ZBTB4: variants seen among roughly 807,000 people sequenced by gnomAD.
ZBTB4 encodes the protein zinc finger and BTB domain-containing protein 4.
Under a neutral mutation model 59.8 loss-of-function variants are expected in ZBTB4, and 14 were observed. The ratio of observed to expected loss-of-function variants is 0.23; its 90% CI spans 0.15 to 0.37. ZBTB4 has a LOEUF of 0.37. ZBTB4 is among the 10% of genes least tolerant of loss of function. The probability of loss-of-function intolerance (pLI) is 1.00; values close to 1 mark genes in which losing one functional copy is unlikely to be tolerated. For synonymous variants in ZBTB4, 587 were observed against 575.2 expected (o/e 1.02, Z -0.29); for missense variants, 1,198 against 1,380.8 (o/e 0.87, Z 2.10).
intron 1 of ZBTB4, among the ~76,000 whole-genome samples, chr17:7,478,272 A>C (rs2070296890): frequency 6.6e-6 from 1 of 152,064 alleles, no homozygotes; most frequent in African/African-American, 2.4e-5. Flanking sequence ...GCTGCCCATG[A>C]TCCCATAAAC....
intron 3 of ZBTB4, among the ~76,000 whole-genome samples, chr17:7,464,854 G>A (rs1403287476): frequency 1.3e-4 from 18 of 137,626 alleles, no homozygotes; most frequent in East Asian, 2.2e-4. Context: ...AAAAAATGCC[G>A]TCTTAAAAAA....
In ZBTB4 at chr17:7,465,839, C is replaced by G; in HGVS notation, c.963G>C (p.Leu321=). 1 of 1,614,220 alleles carries G rather than the reference C, an allele frequency of 6.2e-7. No individual in the cohort carries two copies. The highest frequency in any genetic ancestry group is 8.5e-7 in the Non-Finnish European group (1 of 1,180,046). ...CAACERSYVT[L]SSLKRHSNVH... is the part of the protein sequence containing the mutation. ...CATTGCTGTGTCTCTTCAGACTGGA[C>G]AGGGTCACGTAGGAACGCTCGCAGG... The change falls in exon 3 of 4, where the codon CTG becomes CTC. Residue 321 remains leucine (L), a synonymous_variant. Transcript: ENST00000380599.
upstream of ZBTB4, chr17:7,481,639 G>A: frequency 1.4e-6 from 1 of 718,162 alleles, no homozygotes; most frequent in Non-Finnish European, 2.2e-6. Context: ...TCATAATGGT[G>A]TACCCAGATG....
In ZBTB4 at chr17:7,463,103, C is replaced by T. The variant is rs916663107; in HGVS notation, c.1879G>A (p.Glu627Lys). The T allele has an allele frequency of 6.2e-7, 1 of 1,610,086 alleles. No homozygotes were observed. The highest frequency in any genetic ancestry group is 8.5e-7 in the Non-Finnish European group (1 of 1,179,164). Residue 627 changes from glutamate (E) to lysine (K), a missense_variant, in exon 4 of 4, where the codon GAG becomes AAG. Physicochemically the swap from Glu to Lys is moderately conservative, Grantham distance 56. Coordinates refer to ENST00000380599, the MANE Select transcript of ZBTB4 (RefSeq NM_001128833.2). ...TCCTCCATCTCCTCTCCGCTCAGCT[C>T]CCCAGGACGCAGGTCAGTCTCTGAG... ...RISETDLRPGELSGEEMEESE... is the reference protein window; with the variant it reads ...RISETDLRPGKLSGEEMEESE...
In ZBTB4 at chr17:7,466,333, C is replaced by A; in HGVS notation, c.469G>T (p.Gly157Trp). Residue 157 changes from glycine to tryptophan, a missense_variant, in exon 3 of 4, where the codon GGG becomes TGG. Coordinates refer to ENST00000380599, the MANE Select transcript of ZBTB4 (RefSeq NM_001128833.2). The surrounding 1 kb of genome is among the most constrained non-coding windows in gnomAD (Gnocchi z 9.1). ...RLALPGGGGD[G>W]AAVAEIGALG... Reference sequence around the variant, plus strand: ...GCTCCAATCTCTGCTACAGCTGCCCCGTCCCCTCCACCACCAGGCAGTGCG... The same window carrying A: ...GCTCCAATCTCTGCTACAGCTGCCCAGTCCCCTCCACCACCAGGCAGTGCG... 6.2e-7 allele frequency: 1 copy of A among 1,614,046 alleles called. No homozygotes were observed. The highest frequency in any genetic ancestry group is 8.5e-7 in the Non-Finnish European group (1 of 1,180,010).
At position 7,462,998 on chromosome 17, in the gene ZBTB4, G is replaced by C. The variant is rs757840009; in HGVS notation, c.1984C>G (p.Gln662Glu). Residue 662 changes from glutamine to glutamate, a missense_variant, in exon 4 of 4, where the codon CAG becomes GAG. Gln to Glu is a conservative substitution (Grantham distance 29). Transcript: ENST00000380599. The surrounding 1 kb of genome is among the most constrained non-coding windows in gnomAD (Gnocchi z 7.5). ...TAGGAGTAGTAGGGCCTCCAGAGCT[G>C]GTCCTCCCCACCAGCCTTTGATTCC... ...EEESKAGGED[Q>E]LWRPYYSYKP... The C allele has an allele frequency of 3.1e-6, 5 of 1,610,308 alleles. No individual in the cohort carries two copies. In the South Asian group the frequency reaches 3.3e-5, roughly 11 times the overall value.
chr17:7,476,798 C>T (rs1446372671), intron 1 of ZBTB4, among the ~76,000 whole-genome samples: 1 of 152,164 alleles, frequency 6.6e-6, no homozygotes, highest in Admixed American at 6.5e-5. Context: ...GCATCCGGGT[C>T]TTCTGAAATG....
intron 3 of ZBTB4, among the ~76,000 whole-genome samples, chr17:7,464,230 T>A (rs2070078802): frequency 6.6e-6 from 1 of 152,158 alleles, no homozygotes; most frequent in African/African-American, 2.4e-5. Context: ...CTCCCGGACA[T>A]GCCTGTGCTG....
At chr17:7,469,815 G>A (rs1240827078) in intron 1 of ZBTB4, among the ~76,000 whole-genome samples, 1 of 151,932 alleles carries the variant, frequency 6.6e-6, no homozygotes, top group Admixed American at 6.6e-5. Context: ...CGGGCACGGT[G>A]GCTCACACCT....
chr17:7,482,716 C>T (rs772575316), upstream of ZBTB4: 21 of 1,611,912 alleles, frequency 1.3e-5, no homozygotes, highest in African/African-American at 1.2e-4. Flanking sequence ...TGCAGCCCCC[C>T]GTGTTGCCCA....
chr17:7,473,986 G>A (rs1016051558), intron 1 of ZBTB4, among the ~76,000 whole-genome samples: 7 of 151,350 alleles, frequency 4.6e-5, no homozygotes, highest in Non-Finnish European at 7.4e-5. Context: ...GATCTCTCTC[G>A]GCTCACTGCA....
intron 3 of ZBTB4, among the ~76,000 whole-genome samples, chr17:7,464,443 A>C (rs1389372418): frequency 1.3e-5 from 2 of 151,236 alleles, no homozygotes; most frequent in Non-Finnish European, 3.0e-5. Flanking sequence ...AAAAAAAAAA[A>C]AAAAAAAAAC....
intron 3 of ZBTB4, among the ~76,000 whole-genome samples, chr17:7,464,960 T>C (rs961197933): frequency 6.8e-6 from 1 of 146,440 alleles, no homozygotes; most frequent in South Asian, 2.1e-4. Context: ...ATCGAGACCA[T>C]ACTGGCTAAC....
upstream of ZBTB4, chr17:7,484,162 G>A (rs899446434): frequency 6.5e-6 from 1 of 153,060 alleles, no homozygotes; most frequent in Non-Finnish European, 1.5e-5. Context: ...AGCGAGGAGA[G>A]GCGGTGGGAT....
At chr17:7,468,229 C>A (rs1026029230) in intron 1 of ZBTB4, among the ~76,000 whole-genome samples, 1 of 152,136 alleles carries the variant, frequency 6.6e-6, no homozygotes, top group Non-Finnish European at 1.5e-5. Flanking sequence ...AAAAATTAGC[C>A]GGGCGTGGTG....
rs1393392242 is a variant in ZBTB4 at position 7,463,032 on chromosome 17, C to A, written c.1950G>T (p.Glu650Asp). The change falls in exon 4 of 4, where the codon GAG becomes GAT. Residue 650 changes from glutamate (E) to aspartate (D), a missense_variant. Glu to Asp is a conservative substitution (Grantham distance 45). Coordinates refer to ENST00000380599, the MANE Select transcript of ZBTB4 (RefSeq NM_001128833.2). ...EEEEDEEEEE[E>D]DEEESKAGGE... Reference sequence around the variant, plus strand: ...CACCAGCCTTTGATTCCTCCTCATCCTCCTCCTCCTCCTCTTCGTCCTCCT... The same window carrying A: ...CACCAGCCTTTGATTCCTCCTCATCATCCTCCTCCTCCTCTTCGTCCTCCT... 1.9e-6 allele frequency: 3 copies of A among 1,587,116 alleles called. No individual in the cohort carries two copies. The highest frequency in any genetic ancestry group is 1.3e-5 in the African/African-American group (1 of 74,194).
chr17:7,478,512 C>G (rs1402682951), intron 1 of ZBTB4, among the ~76,000 whole-genome samples: 1 of 152,128 alleles, frequency 6.6e-6, no homozygotes, highest in Admixed American at 6.6e-5. Context: ...AGACGTGACG[C>G]CTTCTGACTC....
At chr17:7,477,214 C>G (rs2070280460) in intron 1 of ZBTB4, among the ~76,000 whole-genome samples, 1 of 152,210 alleles carries the variant, frequency 6.6e-6, no homozygotes, top group Non-Finnish European at 1.5e-5. Flanking sequence ...CAGGGGCTGG[C>G]ATAGGCACAG....
chr17:7,463,635 C>A lies in ZBTB4; in HGVS notation c.1347G>T (p.Val449=). Residue 449 remains valine (V), a synonymous_variant, in exon 4 of 4, where the codon GTG becomes GTT. Transcript: ENST00000380599. The part of the protein sequence containing the change: ...LSPTLNTPAP[V]AMPASPPPGP... The stretch of plus-strand genomic sequence containing the variant: ...CAGGCGGCGGGCTGGCTGGCATTGC[C>A]ACAGGGGCCGGTGTGTTGAGGGTTG... 1 of 1,609,992 alleles carries A rather than the reference C, an allele frequency of 6.2e-7. No individual in the cohort carries two copies. Among genetic ancestry groups the A allele is most frequent in the Non-Finnish European group, 8.5e-7 (1 of 1,177,996 alleles).
Sources: gnomAD v4.1 joint callset for allele counts (sites outside exome capture counted in the v4.1 genomes callset) on GRCh38, gnomAD v4.1.1 for gene constraint, Gnocchi (gnomAD v3.1) non-coding constraint, MANE v1.5 for transcripts, NCBI Gene and HGNC (gene_info 2026-07-23, HGNC 2026-07-21) for gene names.